The following MED15 variants were observed in gnomAD, a reference collection of about 807,000 sequenced individuals.
The protein encoded by MED15 is mediator complex subunit 15.
In MED15, 41 loss-of-function variants were observed where a neutral mutation model predicts 118.7. The observed-to-expected ratio is 0.35, with a 90% CI of 0.27 to 0.45. MED15 has a LOEUF of 0.45. Among genes scored for constraint, MED15 ranks in the 20% least tolerant of loss-of-function variants. The pLI is 1.00. For missense variants in MED15, 740 were observed against 1,025.5 expected (o/e 0.72, Z 3.80); for synonymous variants, 436 against 413.9 (o/e 1.05, Z -0.65).
At chr22:20,584,338 C>T in intron 13 of MED15, 21 bp from the exon 14 acceptor site, 1 of 1,612,816 alleles carries the variant, frequency 6.2e-7, no homozygotes, top group South Asian at 1.1e-5. Flanking sequence ...CTCTTTCAGC[C>T]CAAGTCCTCT....
At position 20,584,247 on chromosome 22, in the gene MED15, G is replaced by A. The variant is rs2057069933; in HGVS notation, c.1737-112G>A. ...CTGGGAACAGCTGGTCAACTGGTAG[G>A]AGCTCCTGCAGAGGTTTCTGATGGC... On this transcript the variant is annotated intron_variant, in intron 13 of 17. Coordinates refer to ENST00000263205, the MANE Select transcript of MED15 (RefSeq NM_001003891.3). 7 of 1,062,714 alleles carry A rather than the reference G, an allele frequency of 6.6e-6. No homozygotes were observed. In the Admixed American group the frequency reaches 1.1e-4, roughly 16 times the overall value. The allele number at this position is 1,062,714 out of a possible 1,614,324, so 65.8% of individuals were successfully genotyped here.
At chr22:20,508,064 G>C in intron 1 of MED15, 1 of 1,343,404 alleles carries the variant, frequency 7.4e-7, no homozygotes, top group Non-Finnish European at 9.6e-7. Context: ...ACTGAATAGG[G>C]AAAGGGAGAG....
At chr22:20,580,122 G>C (rs2146661850) in intron 9 of MED15, among the ~76,000 whole-genome samples, 1 of 152,218 alleles carries the variant, frequency 6.6e-6, no homozygotes, top group Non-Finnish European at 1.5e-5. Context: ...AAATCTCCCT[G>C]TCTCCCATCC....
At chr22:20,572,210 CAGG>C (rs1245730827) in intron 8 of MED15, among the ~76,000 whole-genome samples, 1 of 152,222 alleles carries the variant, frequency 6.6e-6, no homozygotes, top group Non-Finnish European at 1.5e-5. Context: ...ACCCTCTAAC[CAGG>C]AGGTCAGAGA....
chr22:20,581,270 G>C (rs1471294459), intron 9 of MED15, among the ~76,000 whole-genome samples: 1 of 152,242 alleles, frequency 6.6e-6, no homozygotes, highest in Non-Finnish European at 1.5e-5. Flanking sequence ...TGAAAGGGCA[G>C]TGCCACCCTG....
intron 1 of MED15, among the ~76,000 whole-genome samples, chr22:20,515,107 G>T (rs1417037784): frequency 6.6e-6 from 1 of 152,176 alleles, no homozygotes; most frequent in Admixed American, 6.5e-5. Context: ...GAGCCTCTAG[G>T]CCAGTCGTGA....
At chr22:20,576,912 C>G (rs1223653746) in intron 9 of MED15, among the ~76,000 whole-genome samples, 1 of 152,212 alleles carries the variant, frequency 6.6e-6, no homozygotes, top group Non-Finnish European at 1.5e-5. Context: ...ACTGGGTTCA[C>G]AGAATCAGGT....
chr22:20,565,435 T>C (rs887395844), intron 6 of MED15, among the ~76,000 whole-genome samples: 1 of 152,218 alleles, frequency 6.6e-6, no homozygotes, highest in African/African-American at 2.4e-5. Context: ...CCAGCTGGTG[T>C]TGCATGAGGT....
chr22:20,531,727 C>T (rs974422558), intron 1 of MED15, among the ~76,000 whole-genome samples: 2 of 152,272 alleles, frequency 1.3e-5, no homozygotes, highest in Admixed American at 6.5e-5. Context: ...GATGACTGCC[C>T]ACTGCACACA....
At chr22:20,557,508 G>C (rs2056063639) in intron 5 of MED15, among the ~76,000 whole-genome samples, 1 of 152,114 alleles carries the variant, frequency 6.6e-6, no homozygotes, top group Non-Finnish European at 1.5e-5. Flanking sequence ...CTGGGTTTAG[G>C]GAGGACCCAC....
intron 5 of MED15, among the ~76,000 whole-genome samples, chr22:20,562,386 TTTG>T (rs923185104): frequency 8.7e-5 from 13 of 148,978 alleles, no homozygotes; most frequent in East Asian, 7.8e-4. Flanking sequence ...TGTCATACTT[TTTG>T]TTGTTGTTGT....
At chr22:20,543,921 A>T (rs1043997691) in intron 2 of MED15, among the ~76,000 whole-genome samples, 8 of 152,340 alleles carry the variant, frequency 5.3e-5, no homozygotes, top group South Asian at 4.1e-4. Context: ...CTTATTGCTT[A>T]TGATTCTGCC....
At chr22:20,583,648 T>G in intron 13 of MED15, 1 of 486,622 alleles carries the variant, frequency 2.1e-6, no homozygotes, top group Non-Finnish European at 3.8e-6. Flanking sequence ...CCAGACCTCA[T>G]CCAGTCAGCA....
Position 20,557,576 on chromosome 22 carries a change from T to G in MED15, c.451+2428T>G, listed in dbSNP as rs184618416. On this transcript the variant is annotated intron_variant, in intron 5 of 17. Coordinates refer to ENST00000263205, the MANE Select transcript of MED15 (RefSeq NM_001003891.3). ...TACTCTTGTGTACTTGGTGCATTTT[T>G]TTTTTAATCATGAGCTTATACTTGA... 1.5e-4 allele frequency among the ~76,000 whole-genome samples: 23 copies of G among 152,362 alleles called. No homozygotes were observed. The East Asian group carries it at 3.9e-3, about 26-fold the overall frequency.
In MED15 at chr22:20,583,107, C is replaced by G; in HGVS notation, c.1538-6C>G. ...GGCTGTGGCCTCACCCGCCTGTGTC[C>G]TGCAGTGAACCCCAGCTCTGTCATG... On this transcript the variant is annotated splice_region_variant and splice_polypyrimidine_tract_variant and intron_variant, in intron 11 of 17. Transcript: ENST00000263205. 6.3e-7 allele frequency: 1 copy of G among 1,585,638 alleles called. No homozygotes were observed. The highest frequency in any genetic ancestry group is 8.6e-7 in the Non-Finnish European group (1 of 1,164,498).
intron 16 of MED15, 55 bp from the exon 17 acceptor site, chr22:20,585,673 A>G: frequency 2.0e-6 from 3 of 1,532,584 alleles, no homozygotes; most frequent in Non-Finnish European, 2.7e-6. Flanking sequence ...CAGGGCTGTG[A>G]GGCAGGGCAG....
chr22:20,575,638 G>A (rs555095764), intron 9 of MED15, among the ~76,000 whole-genome samples: 35 of 152,022 alleles, frequency 2.3e-4, no homozygotes, highest in African/African-American at 8.0e-4. Context: ...TCAGGAGGCC[G>A]AGATGGGAGG....
At chr22:20,567,888 GTC>G (rs920183932) in intron 7 of MED15, among the ~76,000 whole-genome samples, 1 of 152,078 alleles carries the variant, frequency 6.6e-6, no homozygotes, top group South Asian at 2.1e-4. Flanking sequence ...TGAAGACAGG[GTC>G]TCTGTTTTCC....
Position 20,537,174 on chromosome 22 carries a change from G to A in MED15, c.126G>A (p.Glu42=), listed in dbSNP as rs2055111135. Residue 42 remains glutamate (E), a synonymous_variant, in exon 2 of 18, where the codon GAG becomes GAA. Coordinates refer to ENST00000263205, the MANE Select transcript of MED15 (RefSeq NM_001003891.3). The part of the protein sequence containing the change: ...VAHSKSSKDM[E]SHVFLKAKTR... The stretch of plus-strand genomic sequence containing the variant: ...ACAGTAAATCCAGCAAGGATATGGA[G>A]AGCCATGTTTTCCTGAAGGCCAAGA... 6.2e-7 allele frequency: 1 copy of A among 1,613,948 alleles called. No individual in the cohort carries two copies. Among genetic ancestry groups the A allele is most frequent in the South Asian group, 1.1e-5 (1 of 91,058 alleles).
Sources: gnomAD v4.1 joint callset for allele counts (sites outside exome capture counted in the v4.1 genomes callset) on GRCh38, gnomAD v4.1.1 for gene constraint, MANE v1.5 for transcripts, NCBI Gene and HGNC (gene_info 2026-07-23, HGNC 2026-07-21) for gene names.